ST7: variants seen among roughly 807,000 people sequenced by gnomAD.
The protein encoded by ST7 is suppressor of tumorigenicity 7 protein.
Under a neutral mutation model 78.7 loss-of-function variants are expected in ST7, and 28 were observed. The observed-to-expected ratio is 0.36, with a 90% CI of 0.26 to 0.49. The LOEUF (loss-of-function observed/expected upper bound fraction) is 0.49, where lower values mean the gene tolerates loss of function less well. Ranked by LOEUF, ST7 falls within the 20% of genes least tolerant of loss-of-function variation. The pLI, the probability that ST7 is intolerant of heterozygous loss-of-function variation, is 0.99. For missense variants in ST7, 418 were observed against 696.0 expected (o/e 0.60, Z 4.49); for synonymous variants, 247 against 249.6 (o/e 0.99, Z 0.10).
chr7:117,094,341 A>G (rs1377432949), intron 1 of ST7, among the ~76,000 whole-genome samples: 1 of 152,218 alleles, frequency 6.6e-6, no homozygotes, highest in African/African-American at 2.4e-5. Context: ...TGCAGCCATC[A>G]GTAACTTTAC....
intron 1 of ST7, among the ~76,000 whole-genome samples, chr7:116,997,816 G>C (rs995720146): frequency 6.6e-6 from 1 of 152,198 alleles, no homozygotes; most frequent in Non-Finnish European, 1.5e-5. Flanking sequence ...AGTGCTGACT[G>C]TTACATTTAC....
intron 1 of ST7, among the ~76,000 whole-genome samples, chr7:117,081,497 G>A (rs1799770179): frequency 6.6e-6 from 1 of 151,868 alleles, no homozygotes; most frequent in African/African-American, 2.4e-5. Context: ...GTGTGATTTG[G>A]CACGACCTGT....
chr7:117,190,624 A>G lies in ST7; in HGVS notation c.1152-210A>G, dbSNP rs1203668648. Among the ~76,000 whole-genome samples, 1 of 152,184 alleles carries G rather than the reference A, an allele frequency of 6.6e-6. No homozygotes were observed. Among genetic ancestry groups the G allele is most frequent in the Admixed American group, 6.5e-5 (1 of 15,282 alleles). On this transcript the variant is annotated intron_variant, in intron 11 of 15. Transcript: ENST00000323984. The surrounding 1 kb of genome is among the most constrained non-coding windows in gnomAD (Gnocchi z 5.2). ...TTGACAGCCGAATTTAACTCCTGCCATGACTAGATGCAAGCACGCTTTCTG... is the reference window on the plus strand; with the variant it reads ...TTGACAGCCGAATTTAACTCCTGCCGTGACTAGATGCAAGCACGCTTTCTG...
intron 3 of ST7, among the ~76,000 whole-genome samples, chr7:117,127,821 G>A (rs1803980936): frequency 6.6e-6 from 1 of 151,914 alleles, no homozygotes; most frequent in South Asian, 2.1e-4. Flanking sequence ...ATACTGCTCA[G>A]TGAATACTTT....
In ST7 at chr7:117,010,352, C is replaced by T. The variant is rs180694802; in HGVS notation, c.151+56661C>T. On this transcript the variant is annotated intron_variant, in intron 1 of 15. Transcript: ENST00000323984. ...CCAGTAATGGGAGGAGCTGGGCATA[C>T]GCTCTAGGAATCTTCTGCATCCAGA... Among the ~76,000 whole-genome samples, 78 of 152,332 alleles carry T rather than the reference C, an allele frequency of 5.1e-4. 1 individual carries two copies. Among genetic ancestry groups the T allele is most frequent in the African/African-American group, 1.6e-3 (67 of 41,576 alleles).
chr7:117,136,381 T>C, intron 8 of ST7, 146 bp downstream of exon 8: 1 of 907,160 alleles, frequency 1.1e-6, no homozygotes, highest in Non-Finnish European at 1.7e-6. Context: ...ATTTTCTTCT[T>C]TCCTATAAGT....
intron 15 of ST7, chr7:117,223,074 G>T (rs554030836): frequency 1.2e-6 from 1 of 857,038 alleles, no homozygotes; most frequent in East Asian, 2.6e-5. Context: ...CGGAAACTCG[G>T]CAGCCCTTCC....
chr7:117,001,172 A>T (rs1267269754), intron 1 of ST7, among the ~76,000 whole-genome samples: 1 of 152,210 alleles, frequency 6.6e-6, no homozygotes, highest in African/African-American at 2.4e-5. Flanking sequence ...GCTGCCGATG[A>T]AGGGAAGAAA....
At chr7:117,124,636 T>C (rs1008950296) in intron 3 of ST7, among the ~76,000 whole-genome samples, 8 of 152,174 alleles carry the variant, frequency 5.3e-5, no homozygotes, top group African/African-American at 1.7e-4. Context: ...TTGCCAGTGG[T>C]TGACAGCTCG....
At chr7:117,221,798 A>G (rs1309183584) in intron 14 of ST7, 125 bp from the exon 15 acceptor site, 13 of 1,129,594 alleles carry the variant, frequency 1.2e-5, no homozygotes, top group Middle Eastern at 4.3e-4. Flanking sequence ...CAGGTGTGCT[A>G]TTTTTTCATT....
intron 10 of ST7, among the ~76,000 whole-genome samples, chr7:117,178,046 A>G (rs1270650158): frequency 6.6e-6 from 1 of 152,170 alleles, no homozygotes; most frequent in East Asian, 1.9e-4. Context: ...GTGAAGGCCA[A>G]ATATGCTGGA....
intron 1 of ST7, chr7:116,972,344 T>C: frequency 1.6e-6 from 1 of 613,418 alleles, no homozygotes; most frequent in Admixed American, 2.4e-5. Flanking sequence ...GTAAGAATCT[T>C]GATCTCTTTC....
intron 9 of ST7, among the ~76,000 whole-genome samples, chr7:117,154,682 T>G (rs1806553902): frequency 6.6e-6 from 1 of 152,236 alleles, no homozygotes. Context: ...TGGGTAGTTT[T>G]GGCTTGATAG....
At chr7:117,077,066 G>A (rs1218042991) in intron 1 of ST7, among the ~76,000 whole-genome samples, 1 of 152,164 alleles carries the variant, frequency 6.6e-6, no homozygotes, top group African/African-American at 2.4e-5. Context: ...ATCTTCCCCT[G>A]GAGTCTGGCT....
chr7:117,055,279 T>C (rs1187830361), intron 1 of ST7, among the ~76,000 whole-genome samples: 1 of 152,174 alleles, frequency 6.6e-6, no homozygotes, highest in African/African-American at 2.4e-5. Flanking sequence ...CTCGGCTTAC[T>C]GCAACCTCCG....
At chr7:117,093,046 C>T (rs1800753140) in intron 1 of ST7, among the ~76,000 whole-genome samples, 1 of 152,132 alleles carries the variant, frequency 6.6e-6, no homozygotes, top group African/African-American at 2.4e-5. Flanking sequence ...ATTGTTCCCA[C>T]GGTATCTGGT....
At chr7:116,958,268 C>T (rs1167854203) in intron 1 of ST7, among the ~76,000 whole-genome samples, 1 of 149,040 alleles carries the variant, frequency 6.7e-6, no homozygotes, top group Non-Finnish European at 1.5e-5. Flanking sequence ...GCTGGGATTC[C>T]AGGTGTGAGC....
At chr7:116,984,412 T>C (rs1794100668) in intron 1 of ST7, among the ~76,000 whole-genome samples, 1 of 152,214 alleles carries the variant, frequency 6.6e-6, no homozygotes, top group South Asian at 2.1e-4. Context: ...GTCTGTGGGA[T>C]TATCTGTTAT....
chr7:117,089,559 GTTTTTTGT>G (rs1257306905), intron 1 of ST7, among the ~76,000 whole-genome samples: 4 of 149,264 alleles, frequency 2.7e-5, no homozygotes, highest in East Asian at 2.0e-4. Context: ...TCAACAGTTT[GTTTTTTGT>G]TTTTTTGTTT....
Sources: allele counts gnomAD v4.1 joint callset (sites outside exome capture counted in the v4.1 genomes callset), GRCh38; gene constraint gnomAD v4.1.1; non-coding constraint Gnocchi (gnomAD v3.1); transcripts MANE v1.5; gene names NCBI Gene and HGNC (gene_info 2026-07-23, HGNC 2026-07-21).